Variants in UPF3A observed in about 807,000 individuals in gnomAD.
The protein encoded by UPF3A is UPF3A regulator of nonsense mediated mRNA decay, also known as regulator of nonsense transcripts 3A.
Under a neutral mutation model 53.5 loss-of-function variants are expected in UPF3A, and 42 were observed. That is an observed-to-expected ratio of 0.78 (90% CI 0.61 to 1.01). The LOEUF is 1.01. Among genes scored for constraint, UPF3A ranks in the 50% least tolerant of loss-of-function variants. UPF3A has a pLI of 0.00. For missense variants in UPF3A, 575 were observed against 598.0 expected (o/e 0.96, Z 0.40); for synonymous variants, 237 against 225.3 (o/e 1.05, Z -0.47).
At chr13:114,304,720 T>C in intron 9 of UPF3A, 69 bp from the exon 10 acceptor site, 1 of 1,555,490 alleles carries the variant, frequency 6.4e-7, no homozygotes, top group Non-Finnish European at 8.7e-7. Flanking sequence ...GTTCTAGAAA[T>C]ATAGGGAGAT....
At chr13:114,284,591 T>C (rs1441598732) in intron 3 of UPF3A, among the ~76,000 whole-genome samples, 2 of 150,000 alleles carry the variant, frequency 1.3e-5, no homozygotes, top group Non-Finnish European at 1.5e-5. Flanking sequence ...CTCAGATACT[T>C]GGGAGACTGA....
At chr13:114,290,072 T>TA (rs1262409150) in intron 5 of UPF3A, among the ~76,000 whole-genome samples, 2 of 152,148 alleles carry the variant, frequency 1.3e-5, no homozygotes, top group Non-Finnish European at 2.9e-5. Flanking sequence ...CAGTGTGCTG[T>TA]ACTCACCCTG....
intron 7 of UPF3A, among the ~76,000 whole-genome samples, chr13:114,295,902 G>A (rs1394134954): frequency 6.6e-6 from 1 of 152,166 alleles, no homozygotes; most frequent in African/African-American, 2.4e-5. Context: ...AGAGGACTAG[G>A]GGCTGGGGGC....
At chr13:114,284,022 C>T (rs919081658) in intron 3 of UPF3A, 2 of 985,318 alleles carry the variant, frequency 2.0e-6, no homozygotes, top group Non-Finnish European at 1.2e-6. Context: ...CCTTTGTGTT[C>T]ATTGCTCATT....
chr13:114,294,581 T>C (rs2085649573), intron 7 of UPF3A, among the ~76,000 whole-genome samples: 1 of 152,148 alleles, frequency 6.6e-6, no homozygotes, highest in Non-Finnish European at 1.5e-5. Flanking sequence ...AGAAATATGG[T>C]TTGGGAGGCC....
chr13:114,291,909 GT>G, intron 7 of UPF3A, 117 bp downstream of exon 7: 1 of 1,297,888 alleles, frequency 7.7e-7, no homozygotes, highest in East Asian at 2.4e-5. Context: ...CTAATATTGT[GT>G]TGTTATTTTT....
Position 114,281,819 on chromosome 13 carries a change from C to A in UPF3A, c.180C>A (p.Arg60=), listed in dbSNP as rs1445749051. The part of the protein sequence containing the change: ...SGCGGGAGKP[R]EEKRTALSKV... ...GCGGGGGCGGTGCGGGCAAACCTCGCGAGGAGAAGAGGACGGCCCTGAGCA... is the reference window on the plus strand; with the variant it reads ...GCGGGGGCGGTGCGGGCAAACCTCGAGAGGAGAAGAGGACGGCCCTGAGCA... Residue 60 remains arginine (R), a synonymous_variant, in exon 1 of 10, where the codon CGC becomes CGA. Transcript: ENST00000375299. The A allele has an allele frequency of 5.8e-6, 9 of 1,542,766 alleles. No homozygotes were observed. Among genetic ancestry groups the A allele is most frequent in the African/African-American group, 1.4e-5 (1 of 71,450 alleles).
chr13:114,301,219 T>C (rs1416013095), intron 8 of UPF3A, among the ~76,000 whole-genome samples: 1 of 152,004 alleles, frequency 6.6e-6, no homozygotes, highest in Non-Finnish European at 1.5e-5. Flanking sequence ...CCCAGCACTT[T>C]GGGAGGCCAA....
chr13:114,291,007 T>C (rs1488872636), intron 5 of UPF3A, among the ~76,000 whole-genome samples: 2 of 152,130 alleles, frequency 1.3e-5, no homozygotes, highest in African/African-American at 4.8e-5. Context: ...AGTGCTGAGA[T>C]TACATGTGTG....
At chr13:114,297,200 A>G (rs2086126392) in intron 7 of UPF3A, among the ~76,000 whole-genome samples, 2 of 151,728 alleles carry the variant, frequency 1.3e-5, no homozygotes, top group African/African-American at 2.4e-5. Flanking sequence ...TGTTCTACAA[A>G]TGATCTGTCT....
At chr13:114,291,027 G>A (rs1480246765) in intron 5 of UPF3A, among the ~76,000 whole-genome samples, 4 of 151,958 alleles carry the variant, frequency 2.6e-5, no homozygotes, top group Non-Finnish European at 5.9e-5. Context: ...GAGCCACCAC[G>A]CCCGGCCCAT....
rs543505610 is a variant in UPF3A at position 114,286,246 on chromosome 13, G to A, written c.422-56G>A. The A allele has an allele frequency of 6.9e-6, 11 of 1,599,100 alleles. No individual in the cohort carries two copies. In the East Asian group the frequency reaches 8.9e-5, roughly 13 times the overall value. On this transcript the variant is annotated intron_variant, in intron 3 of 9. Coordinates refer to ENST00000375299, the MANE Select transcript of UPF3A (RefSeq NM_023011.4). The stretch of plus-strand genomic sequence containing the variant: ...TAAGTAAGTTAGGTCATTATTTTCC[G>A]AAATGAATGTAGTAGAATTTCAGAA...
chr13:114,298,913 C>G lies in UPF3A; in HGVS notation c.920C>G (p.Thr307Ser). Residue 307 changes from threonine (T) to serine (S), a missense_variant, in exon 8 of 10, where the codon ACT becomes AGT. By Grantham distance (58) the Thr-to-Ser change is moderately conservative. Around this residue, in one of 2 missense-constraint regions of UPF3A, gnomAD observed 323 missense variants for 415.2 expected, o/e 0.78. Coordinates refer to ENST00000375299, the MANE Select transcript of UPF3A (RefSeq NM_023011.4). The stretch of plus-strand genomic sequence containing the variant: ...AAAGAAAGAGGAGAGGAGATTGATA[C>G]TGGAGGTGGCAAGCAGGAATCCTGT... ...KPKERGEEID[T>S]GGGKQESCAP... The G allele has an allele frequency of 6.2e-7, 1 of 1,607,408 alleles. No individual in the cohort carries two copies. The highest frequency in any genetic ancestry group is 2.2e-5 in the East Asian group (1 of 44,520).
rs7999630 is a variant in UPF3A at position 114,299,007 on chromosome 13, G to A, written c.1007+7G>A. The A allele has an allele frequency of 0.14, 216,604 of 1,589,200 alleles. 19,042 individuals are homozygous for A. The highest frequency in any genetic ancestry group is 0.44 in the African/African-American group (32,545 of 73,198). On this transcript the variant is annotated splice_region_variant and intron_variant, in intron 8 of 9. Coordinates refer to ENST00000375299, the MANE Select transcript of UPF3A (RefSeq NM_023011.4). Reference sequence around the variant, plus strand: ...TGGAGGAGCCCCAGGAGACGTGAGCGTGCTTTCATTGTTATGACCACGTCA... The same window carrying A: ...TGGAGGAGCCCCAGGAGACGTGAGCATGCTTTCATTGTTATGACCACGTCA...
At chr13:114,297,954 G>A (rs888355174) in intron 7 of UPF3A, among the ~76,000 whole-genome samples, 1 of 152,198 alleles carries the variant, frequency 6.6e-6, no homozygotes, top group African/African-American at 2.4e-5. Flanking sequence ...GTTGCAGTGA[G>A]CCGAGACTGC....
chr13:114,282,124 T>TGAGGTGAGGCCCGCCCC lies in UPF3A; in HGVS notation c.314+2_314+18dup, dbSNP rs2084122794. The TGAGGTGAGGCCCGCCCC allele has an allele frequency of 5.1e-6, 8 of 1,555,998 alleles. No homozygotes were observed. Among genetic ancestry groups the TGAGGTGAGGCCCGCCCC allele is most frequent in the Middle Eastern group, 3.3e-4 (2 of 6,008 alleles). On this transcript the variant is annotated stop_gained and frameshift_variant, in exon 2 of 10. Transcript: ENST00000375299. LOFTEE classifies it high-confidence loss of function. ...TACTTCGAGTTCTTCGCCGCCGACC[T>TGAGGTGAGGCCCGCCCC]GAGGTGAGGCCCGCCCCGAGGGGAG...
intron 7 of UPF3A, 56 bp from the exon 8 acceptor site, chr13:114,298,784 G>T: frequency 7.3e-7 from 1 of 1,373,980 alleles, no homozygotes; most frequent in Non-Finnish European, 9.5e-7. Context: ...TTATTTAACA[G>T]CTTCTTTTAA....
At chr13:114,281,937 G>C in intron 1 of UPF3A, 84 bp from the exon 2 acceptor site, 7 of 1,312,632 alleles carry the variant, frequency 5.3e-6, no homozygotes, top group Non-Finnish European at 7.3e-6. Flanking sequence ...GGCGGGGGCC[G>C]GGCCTCCCAG....
chr13:114,287,012 G>A (rs935237892), intron 5 of UPF3A: 5 of 166,614 alleles, frequency 3.0e-5, no homozygotes, highest in Admixed American at 2.9e-4. Context: ...TTTGCTTGCG[G>A]TGAGGTCATC....
Sources: allele counts gnomAD v4.1 joint callset (sites outside exome capture counted in the v4.1 genomes callset), GRCh38; gene constraint gnomAD v4.1.1; regional missense constraint gnomAD v4.1.1; transcripts MANE v1.5; gene names NCBI Gene and HGNC (gene_info 2026-07-23, HGNC 2026-07-21).